Variants in ZNF234 observed in about 807,000 individuals in gnomAD.
ZNF234 encodes the protein C2-H2 type zinc finger protein.
In ZNF234, 4 loss-of-function variants were observed where a neutral mutation model predicts 10.3. The observed-to-expected ratio is 0.39, with a 90% confidence interval of 0.19 to 0.89. The LOEUF (loss-of-function observed/expected upper bound fraction) is 0.89, where lower values mean the gene tolerates loss of function less well. ZNF234 is among the 40% of genes least tolerant of loss of function. ZNF234 has a pLI of 0.38. For missense variants in ZNF234, 711 were observed against 836.1 expected (o/e 0.85, Z 1.85); for synonymous variants, 258 against 280.1 (o/e 0.92, Z 0.79).
chr19:44,153,450 TGGTA>T (rs1968798559), intron 5 of ZNF234, among the ~76,000 whole-genome samples: 2 of 152,088 alleles, frequency 1.3e-5, no homozygotes, highest in Non-Finnish European at 2.9e-5. Context: ...TTCCTGCTGG[TGGTA>T]GTACTCTGAT....
At chr19:44,144,012 A>T (rs1412277164) in intron 2 of ZNF234, among the ~76,000 whole-genome samples, 2 of 152,128 alleles carry the variant, frequency 1.3e-5, no homozygotes, top group African/African-American at 4.8e-5. Flanking sequence ...TTCCAACTTT[A>T]TTGAGGTGTA....
chr19:44,148,960 G>T (rs1017411564), intron 4 of ZNF234, 63 bp downstream of exon 4: 4 of 1,540,724 alleles, frequency 2.6e-6, no homozygotes, highest in African/African-American at 1.4e-5. Context: ...TGTCTTCAGG[G>T]GTTCAACACT....
Position 44,159,642 on chromosome 19 carries a change from A to AT in ZNF234, c.*1528dup. The AT allele has an allele frequency of 2.1e-6, 1 of 474,010 alleles. No homozygotes were observed. Among genetic ancestry groups the AT allele is most frequent in the Non-Finnish European group, 4.3e-6 (1 of 230,014 alleles). 29.4% of individuals were successfully genotyped at this position (474,010 alleles called of 1,614,324 possible). A position where few individuals can be genotyped will look rare whatever the true frequency, so the allele number is the denominator to read the frequency against. On this transcript the variant is annotated 3_prime_UTR_variant, in exon 6 of 6. Coordinates refer to ENST00000426739, the MANE Select transcript of ZNF234 (RefSeq NM_006630.3). ...TGTCAGAAGTAGTTGCCAATGCCAA[A>AT]TTTTTATCAGCCCCCTTGAATTTAT... is the stretch of plus-strand genomic sequence containing the variant.
intron 3 of ZNF234, among the ~76,000 whole-genome samples, chr19:44,147,081 TG>T: frequency 6.6e-6 from 1 of 152,124 alleles, no homozygotes; most frequent in East Asian, 1.9e-4. Context: ...CCCAAAGTGC[TG>T]GGATTACAGG....
chr19:44,159,380 T>G lies in ZNF234; in HGVS notation c.*1261T>G, dbSNP rs1968985131. The G allele has an allele frequency of 4.6e-6, 1 of 218,138 alleles. No homozygotes were observed. The highest frequency in any genetic ancestry group is 5.5e-5 in the South Asian group (1 of 18,226). 13.5% of individuals were successfully genotyped at this position (218,138 alleles called of 1,614,324 possible). A position where few individuals can be genotyped will look rare whatever the true frequency, so the allele number is the denominator to read the frequency against. On this transcript the variant is annotated 3_prime_UTR_variant, in exon 6 of 6. Transcript: ENST00000426739. Reference sequence around the variant, plus strand: ...TTGGTAGAGAAAGGGTTTCACCACATTGCCCAGGCTGGTCTTGAACACCTG... The same window carrying G: ...TTGGTAGAGAAAGGGTTTCACCACAGTGCCCAGGCTGGTCTTGAACACCTG...
Position 44,148,885 on chromosome 19 carries a change from C to G in ZNF234, c.130C>G (p.Leu44Val), listed in dbSNP as rs547154147. 4.3e-6 allele frequency: 7 copies of G among 1,613,570 alleles called. No individual in the cohort carries two copies. In the African/African-American group the frequency reaches 5.3e-5, roughly 12 times the overall value. The change falls in exon 4 of 6, where the codon CTG becomes GTG. Residue 44 changes from leucine to valine, a missense_variant. Leu to Val is a conservative substitution (Grantham distance 32). Transcript: ENST00000426739. ...QDVMLENFRN[L>V]LSVGHHPFKH... The stretch of plus-strand genomic sequence containing the variant: ...TGTGATGCTGGAGAACTTCAGGAAC[C>G]TGCTGTCAGTGGGTGAGGACATGAG...
At position 44,157,021 on chromosome 19, in the gene ZNF234, A is replaced by T. The variant is rs764791549; in HGVS notation, c.1005A>T (p.Gln335His). 2 of 1,613,736 alleles carry T rather than the reference A, an allele frequency of 1.2e-6. No individual in the cohort carries two copies. Among genetic ancestry groups the T allele is most frequent in the Admixed American group, 3.3e-5 (2 of 59,980 alleles). The change falls in exon 6 of 6, where the codon CAA becomes CAT. Residue 335 changes from glutamine to histidine, a missense_variant. Physicochemically the swap from Gln to His is conservative, Grantham distance 24 (BLOSUM62 0). Coordinates refer to ENST00000426739, the MANE Select transcript of ZNF234 (RefSeq NM_006630.3). ...FTCSSNLRIH[Q>H]RVHTGEKPYK... ...GTAGCTCAAACCTTCGTATCCATCAAAGGGTCCACACAGGAGAGAAACCTT... is the reference window on the plus strand; with the variant it reads ...GTAGCTCAAACCTTCGTATCCATCATAGGGTCCACACAGGAGAGAAACCTT...
In ZNF234 at chr19:44,156,526, C is replaced by G. The variant is rs138432326; in HGVS notation, c.510C>G (p.His170Gln). 92 of 1,614,238 alleles carry G rather than the reference C, an allele frequency of 5.7e-5. 1 individual carries two copies. The East Asian group carries it at 1.9e-3, about 34-fold the overall frequency. Residue 170 changes from histidine (H) to glutamine (Q), a missense_variant, in exon 6 of 6, where the codon CAC becomes CAG. Transcript: ENST00000426739. Reference sequence around the variant, plus strand: ...ACTTTGATCTTCATCAACAGTTACACTCAGGAGAGAAGTCTCATACATGTG... The same window carrying G: ...ACTTTGATCTTCATCAACAGTTACAGTCAGGAGAGAAGTCTCATACATGTG... ...VFNFDLHQQL[H>Q]SGEKSHTCDE... is the part of the protein sequence containing the mutation.
Position 44,153,661 on chromosome 19 carries a change from T to G in ZNF234, c.236-2591T>G, listed in dbSNP as rs570804822. Among the ~76,000 whole-genome samples the G allele has an allele frequency of 7.4e-4, 112 of 152,292 alleles. 1 individual carries two copies. Among genetic ancestry groups the G allele is most frequent in the African/African-American group, 2.6e-3 (107 of 41,562 alleles). ...TTATCCCAAGTGATTCTTGCCACCTTCAAATTTTCTTATTAGCCTCACCCT... is the reference window on the plus strand; with the variant it reads ...TTATCCCAAGTGATTCTTGCCACCTGCAAATTTTCTTATTAGCCTCACCCT... On this transcript the variant is annotated intron_variant, in intron 5 of 5. Transcript: ENST00000426739.
intron 3 of ZNF234, among the ~76,000 whole-genome samples, chr19:44,147,434 C>A (rs113201292): frequency 3.3e-5 from 5 of 151,842 alleles, no homozygotes; most frequent in African/African-American, 1.2e-4. Flanking sequence ...GACAGGGTCT[C>A]ACCATGTTGC....
chr19:44,156,071 A>G (rs1262754787), intron 5 of ZNF234, among the ~76,000 whole-genome samples, 181 bp from the exon 6 acceptor site: 5 of 152,334 alleles, frequency 3.3e-5, no homozygotes, highest in East Asian at 1.9e-4. Flanking sequence ...ATAGCAGCCA[A>G]TTGGACCACC....
Position 44,159,832 on chromosome 19 carries a change from G to A in ZNF234, c.*1713G>A. 4.5e-6 allele frequency: 1 copy of A among 223,986 alleles called. No individual in the cohort carries two copies. The allele number at this position is 223,986 out of a possible 1,614,324, so 13.9% of individuals were successfully genotyped here. On this transcript the variant is annotated 3_prime_UTR_variant, in exon 6 of 6. Coordinates refer to ENST00000426739, the MANE Select transcript of ZNF234 (RefSeq NM_006630.3). ...GTGAATCACCTGAGGTCAGGACTTA[G>A]AGACCAGCCTGACCAACATGGTGAA...
At chr19:44,153,485 T>A (rs2122137566) in intron 5 of ZNF234, among the ~76,000 whole-genome samples, 1 of 152,290 alleles carries the variant, frequency 6.6e-6, no homozygotes, top group East Asian at 1.9e-4. Context: ...CTGGTTCTTT[T>A]ATTCTGAATG....
Position 44,157,132 on chromosome 19 carries a change from C to T in ZNF234, c.1116C>T (p.Tyr372=), listed in dbSNP as rs766123560. 2.4e-5 allele frequency: 39 copies of T among 1,613,994 alleles called. No individual in the cohort carries two copies. Among genetic ancestry groups the T allele is most frequent in the East Asian group, 1.1e-4 (5 of 44,888 alleles). ...HRRIHTGEKP[Y]VCKVCGKGFI... ...GAATCCACACTGGAGAGAAACCATA[C>T]GTATGTAAAGTGTGTGGTAAGGGTT... Residue 372 remains tyrosine (Y), a synonymous_variant, in exon 6 of 6, where the codon TAC becomes TAT. Transcript: ENST00000426739.
intron 5 of ZNF234, among the ~76,000 whole-genome samples, chr19:44,155,776 T>A (rs1968864261): frequency 6.6e-6 from 1 of 152,318 alleles, no homozygotes; most frequent in African/African-American, 2.4e-5. Flanking sequence ...ACTTTTAATA[T>A]TTTTAATAGA....
chr19:44,156,548 T>A lies in ZNF234; in HGVS notation c.532T>A (p.Cys178Ser). 1 of 1,614,226 alleles carries A rather than the reference T, an allele frequency of 6.2e-7. No individual in the cohort carries two copies. Among genetic ancestry groups the A allele is most frequent in the South Asian group, 1.1e-5 (1 of 91,088 alleles). The change falls in exon 6 of 6, where the codon TGT (cysteine) becomes AGT (serine). Residue 178 changes from cysteine to serine, a missense_variant. Physicochemically the swap from Cys to Ser is moderately radical, Grantham distance 112 (BLOSUM62 -1). Coordinates refer to ENST00000426739, the MANE Select transcript of ZNF234 (RefSeq NM_006630.3). ...QLHSGEKSHTCDECGKSFCYI... is the reference protein window; with the variant it reads ...QLHSGEKSHTSDECGKSFCYI... ...ACACTCAGGAGAGAAGTCTCATACA[T>A]GTGATGAGTGTGGAAAAAGCTTCTG... is the stretch of plus-strand genomic sequence containing the variant.
chr19:44,145,852 T>C (rs896992392), intron 3 of ZNF234, among the ~76,000 whole-genome samples: 5 of 152,268 alleles, frequency 3.3e-5, no homozygotes, highest in African/African-American at 1.2e-4. Context: ...TTATTGCCTT[T>C]ATAAAGTAAC....
rs1555780250 is a variant in ZNF234 at position 44,157,284 on chromosome 19, CAG to C, written c.1269_1270del (p.Glu425LysfsTer4). 23 of 1,613,998 alleles carry C rather than the reference CAG, an allele frequency of 1.4e-5. No homozygotes were observed. The highest frequency in any genetic ancestry group is 4.0e-5 in the African/African-American group (3 of 75,004). Reference sequence around the variant, plus strand: ...TATCAAGTGCATCTGGTAGTCCACACAGGGGAAAAACCCTATAAATGTGAAGT... The same window carrying C: ...TATCAAGTGCATCTGGTAGTCCACACGGGAAAAACCCTATAAATGTGAAGT... On this transcript the variant is annotated frameshift_variant, in exon 6 of 6. Transcript: ENST00000426739. LOFTEE classifies it low-confidence loss of function (END_TRUNC).
chr19:44,158,228 C>T lies in ZNF234; in HGVS notation c.*109C>T, dbSNP rs539898602. On this transcript the variant is annotated 3_prime_UTR_variant, in exon 6 of 6. Transcript: ENST00000426739. ...CTCTTTGAATTTATTTGATTTGTAA[C>T]GCTCCACATTTCCACCTAGACTTTT... The T allele has an allele frequency of 1.7e-5, 20 of 1,196,464 alleles. No homozygotes were observed. The highest frequency in any genetic ancestry group is 2.1e-4 in the Middle Eastern group (1 of 4,874). 74.1% of individuals were successfully genotyped at this position (1,196,464 alleles called of 1,614,324 possible).
Sources: allele counts gnomAD v4.1 joint callset (sites outside exome capture counted in the v4.1 genomes callset), GRCh38; gene constraint gnomAD v4.1.1; transcripts MANE v1.5; gene names NCBI Gene and HGNC (gene_info 2026-07-23, HGNC 2026-07-21).